The following HMCN2 variants were observed in gnomAD, a reference collection of about 807,000 sequenced individuals.
HMCN2 encodes the protein hemicentin-2.
A neutral mutation model predicts 377.5 loss-of-function variants in HMCN2; 325 were observed. That is an observed-to-expected ratio of 0.86 (90% CI 0.79 to 0.94). The LOEUF (loss-of-function observed/expected upper bound fraction) is 0.94. HMCN2 is among the 40% of genes least tolerant of loss of function. The probability of loss-of-function intolerance (pLI) is 0.00; values close to 1 mark genes in which losing one functional copy is unlikely to be tolerated. For missense variants in HMCN2, 4,543 were observed against 4,725.3 expected (o/e 0.96, Z 1.13); for synonymous variants, 2,007 against 2,046.8 (o/e 0.98, Z 0.53).
intron 72 of HMCN2, 40 bp from the exon 73 acceptor site, chr9:130,396,129 C>T (rs1842598596): frequency 8.1e-7 from 1 of 1,227,614 alleles, no homozygotes; most frequent in African/African-American, 1.7e-5. Flanking sequence ...CCCCTTAGAG[C>T]CACAGCTCCC....
In HMCN2 at chr9:130,428,552, A is replaced by T. The variant is rs1844533504; in HGVS notation, c.14197+63A>T. On this transcript the variant is annotated intron_variant, in intron 93 of 97. Coordinates refer to ENST00000683500, the MANE Select transcript of HMCN2 (RefSeq NM_001291815.2). This position sits in a 1 kb window ranked among gnomAD's most constrained non-coding sequence, Gnocchi z 5.0. Reference sequence around the variant, plus strand: ...GGAAACCCAGAGGTTGCCAGGGATCAGCTGACAGGGGGCTGTGTGTCACTG... The same window carrying T: ...GGAAACCCAGAGGTTGCCAGGGATCTGCTGACAGGGGGCTGTGTGTCACTG... The T allele has an allele frequency of 2.0e-6, 3 of 1,522,988 alleles. No homozygotes were observed. In the African/African-American group the frequency reaches 4.1e-5, roughly 21 times the overall value. 94.3% of individuals were successfully genotyped at this position (1,522,988 alleles called of 1,614,324 possible).
chr9:130,331,664 C>T (rs1368970164), intron 22 of HMCN2, among the ~76,000 whole-genome samples: 4 of 152,164 alleles, frequency 2.6e-5, no homozygotes, highest in Non-Finnish European at 4.4e-5. Flanking sequence ...GTTGGACAGG[C>T]GATGGTGGCC....
chr9:130,307,191 G>A (rs945216555), intron 13 of HMCN2, among the ~76,000 whole-genome samples: 2 of 152,160 alleles, frequency 1.3e-5, no homozygotes, highest in South Asian at 4.1e-4. Context: ...GACGTGTGCT[G>A]GGGGCGAGGG....
Position 130,432,483 on chromosome 9 carries a change from T to G in HMCN2, c.14822T>G (p.Phe4941Cys). Residue 4941 changes from phenylalanine (F) to cysteine (C), a missense_variant, in exon 97 of 98, where the codon TTC becomes TGC. Phe to Cys is a radical substitution (Grantham distance 205, BLOSUM62 -2). This residue lies in a region of HMCN2 where 1,155 missense variants were observed against 1,157.7 expected (regional missense o/e 1.00). Transcript: ENST00000683500. ...GAGTGTGGACCCGGCCAGATGTGCTTCAACACCCGTGGCAGCTACCAGTGT... is the reference window on the plus strand; with the variant it reads ...GAGTGTGGACCCGGCCAGATGTGCTGCAACACCCGTGGCAGCTACCAGTGT... ...SIECGPGQMC[F>C]NTRGSYQCVD... 6.4e-7 allele frequency: 1 copy of G among 1,550,766 alleles called. No homozygotes were observed. The highest frequency in any genetic ancestry group is 8.7e-7 in the Non-Finnish European group (1 of 1,147,006).
Position 130,355,825 on chromosome 9 carries a change from G to C in HMCN2, c.5226G>C (p.Gln1742His). ...IVGQPLELPC[Q>H]ASGSPVPTIQ... is the part of the protein sequence containing the mutation. ...GACAGCCCCTGGAACTTCCCTGCCA[G>C]GCCTCAGGCTCCCCAGTACCCACTA... The change falls in exon 33 of 98, where the codon CAG becomes CAC. Residue 1742 changes from glutamine to histidine, a missense_variant. Gln to His is a conservative substitution (Grantham distance 24). Around this residue, in one of 5 missense-constraint regions of HMCN2, gnomAD observed 1,032 missense variants for 1,285.1 expected, o/e 0.80. Transcript: ENST00000683500. 3 of 1,303,918 alleles carry C rather than the reference G, an allele frequency of 2.3e-6. No individual in the cohort carries two copies. Among genetic ancestry groups the C allele is most frequent in the Non-Finnish European group, 3.0e-6 (3 of 988,888 alleles). The allele number at this position is 1,303,918 out of a possible 1,614,324, so 80.8% of individuals were successfully genotyped here.
intron 1 of HMCN2, among the ~76,000 whole-genome samples, chr9:130,280,618 T>C (rs1835062846): frequency 6.6e-6 from 1 of 152,172 alleles, no homozygotes; most frequent in South Asian, 2.1e-4. Flanking sequence ...TGAGTAACTT[T>C]CTGAAAATTT....
intron 19 of HMCN2, among the ~76,000 whole-genome samples, chr9:130,325,111 T>G (rs1485114464): frequency 6.9e-6 from 1 of 144,072 alleles, no homozygotes; most frequent in Non-Finnish European, 1.5e-5. Context: ...TTTTTTTTTT[T>G]GTAGACAAGA....
chr9:130,395,845 G>C, intron 71 of HMCN2, 79 bp from the exon 72 acceptor site: 2 of 1,223,204 alleles, frequency 1.6e-6, no homozygotes, highest in Non-Finnish European at 2.1e-6. Context: ...CAGTTCCTCA[G>C]TCTTCCACAT....
intron 60 of HMCN2, 32 bp from the exon 61 acceptor site, chr9:130,386,411 C>A (rs765880004): frequency 7.8e-7 from 1 of 1,283,612 alleles, no homozygotes; most frequent in South Asian, 1.2e-5. Context: ...CCAGCTCCAG[C>A]ACACAGCCAC....
intron 4 of HMCN2, among the ~76,000 whole-genome samples, chr9:130,294,595 G>A (rs920354181): frequency 6.6e-6 from 1 of 152,170 alleles, no homozygotes; most frequent in African/African-American, 2.4e-5. Context: ...GGAGAAGTGT[G>A]GAAGAGTCTT....
chr9:130,314,007 C>T (rs1564776521), intron 15 of HMCN2, among the ~76,000 whole-genome samples: 1 of 151,950 alleles, frequency 6.6e-6, no homozygotes, highest in African/African-American at 2.4e-5. Flanking sequence ...CTCGAACTCC[C>T]GACCTCAGAT....
At position 130,422,077 on chromosome 9, in the gene HMCN2, C is replaced by T. The variant is rs554418113; in HGVS notation, c.13232-500C>T. ...GGCGGGCAGCGGCTAGGAAACCAGCCCACCCGGCCAGGCCAGCTGCAGGGC... is the reference window on the plus strand; with the variant it reads ...GGCGGGCAGCGGCTAGGAAACCAGCTCACCCGGCCAGGCCAGCTGCAGGGC... On this transcript the variant is annotated intron_variant, in intron 86 of 97. Coordinates refer to ENST00000683500, the MANE Select transcript of HMCN2 (RefSeq NM_001291815.2). The surrounding 1 kb of genome is among the most constrained non-coding windows in gnomAD (Gnocchi z 4.2). Among the ~76,000 whole-genome samples, 1 of 152,348 alleles carries T rather than the reference C, an allele frequency of 6.6e-6. No homozygotes were observed. Among genetic ancestry groups the T allele is most frequent in the African/African-American group, 2.4e-5 (1 of 41,592 alleles).
chr9:130,429,959 A>G, intron 94 of HMCN2: 2 of 602,504 alleles, frequency 3.3e-6, no homozygotes, highest in Non-Finnish European at 5.6e-6. Context: ...CAGGAGGGGG[A>G]GGACTGTGGA....
At chr9:130,325,075 T>TTTCTTC (rs1288314739) in intron 19 of HMCN2, among the ~76,000 whole-genome samples, 1 of 133,340 alleles carries the variant, frequency 7.5e-6, no homozygotes, top group South Asian at 2.7e-4. Flanking sequence ...AGTTTTGTCT[T>TTTCTTC]TTCTTCTTCT....
Position 130,428,322 on chromosome 9 carries a change from A to C in HMCN2, c.14066-36A>C. ...AGGTGGCGAGGCACGCCTGGGGATC[A>C]TGTTCACACAGCCGTCTGCCCTGAT... On this transcript the variant is annotated intron_variant, in intron 92 of 97. Coordinates refer to ENST00000683500, the MANE Select transcript of HMCN2 (RefSeq NM_001291815.2). The surrounding 1 kb of genome is among the most constrained non-coding windows in gnomAD (Gnocchi z 5.0). 6.7e-7 allele frequency: 1 copy of C among 1,499,918 alleles called. No homozygotes were observed. Among genetic ancestry groups the C allele is most frequent in the Admixed American group, 2.0e-5 (1 of 48,910 alleles). 92.9% of individuals were successfully genotyped at this position (1,499,918 alleles called of 1,614,324 possible).
Position 130,368,728 on chromosome 9 carries a change from A to G in HMCN2, c.6787+291A>G, listed in dbSNP as rs369115113. ...GAAGGGGAAGCAAGGCACGCCTTAC[A>G]TGTCGGCAGGAGAGAGAGAGAGCCA... On this transcript the variant is annotated intron_variant, in intron 44 of 97. Coordinates refer to ENST00000683500, the MANE Select transcript of HMCN2 (RefSeq NM_001291815.2). 1.3e-3 allele frequency among the ~76,000 whole-genome samples: 194 copies of G among 152,100 alleles called. 7 individuals are homozygous for G. The South Asian group carries it at 0.039, about 31-fold the overall frequency.
At chr9:130,391,789 C>A in intron 65 of HMCN2, 146 bp from the exon 66 acceptor site, 2 of 517,096 alleles carry the variant, frequency 3.9e-6, no homozygotes, top group Non-Finnish European at 5.0e-6. Context: ...CTGTGTCCCC[C>A]ATGCAGCGGG....
rs574922876 is a variant in HMCN2, at chr9:130,364,804, C to T, written c.6323C>T (p.Pro2108Leu). 3.0e-6 allele frequency: 3 copies of T among 985,934 alleles called. No individual in the cohort carries two copies. The highest frequency in any genetic ancestry group is 5.2e-4 in the Middle Eastern group (1 of 1,936). The allele number at this position is 985,934 out of a possible 1,614,324, so 61.1% of individuals were successfully genotyped here. Residue 2108 changes from proline to leucine, a missense_variant, in exon 41 of 98, where the codon CCT becomes CTT. Pro to Leu is a moderately conservative substitution (Grantham distance 98). Coordinates refer to ENST00000683500, the MANE Select transcript of HMCN2 (RefSeq NM_001291815.2). ...GAGTGCCAGAGCCACGCCATGCCCC[C>T]TCCTGTGCTGAGCTGGTGGAAGGAC... ...ALECQSHAMP[P>L]PVLSWWKDGR...
In HMCN2 at chr9:130,353,093, C is replaced by T. The variant is rs1385880041; in HGVS notation, c.4752C>T (p.Gly1584=). The T allele has an allele frequency of 2.3e-6, 3 of 1,304,088 alleles. No individual in the cohort carries two copies. Among genetic ancestry groups the T allele is most frequent in the African/African-American group, 1.5e-5 (1 of 65,872 alleles). The allele number at this position is 1,304,088 out of a possible 1,614,324, so 80.8% of individuals were successfully genotyped here. A position where few individuals can be genotyped will look rare whatever the true frequency, so the allele number is the denominator to read the frequency against. ...PTSTKVVYTR[G]GRQLQLGRAQ... is the part of the protein sequence containing the mutation. Reference sequence around the variant, plus strand: ...GCACCAAGGTGGTCTACACTAGGGGCGGTCGGCAGTTGCAGCTGGGGAGGG... The same window carrying T: ...GCACCAAGGTGGTCTACACTAGGGGTGGTCGGCAGTTGCAGCTGGGGAGGG... Residue 1584 remains glycine, a synonymous_variant, in exon 31 of 98, where the codon GGC becomes GGT. Coordinates refer to ENST00000683500, the MANE Select transcript of HMCN2 (RefSeq NM_001291815.2).
Sources: allele counts gnomAD v4.1 joint callset (sites outside exome capture counted in the v4.1 genomes callset), GRCh38; gene constraint gnomAD v4.1.1; regional missense constraint gnomAD v4.1.1; non-coding constraint Gnocchi (gnomAD v3.1); transcripts MANE v1.5; gene names NCBI Gene and HGNC (gene_info 2026-07-23, HGNC 2026-07-21).